HRNR: variants seen among roughly 807,000 people sequenced by gnomAD.
HRNR encodes hornerin, also known as filaggrin family member 3.
A neutral mutation model predicts 4.8 loss-of-function variants in HRNR; 7 were observed. That is an observed-to-expected ratio of 1.47 (90% confidence interval 0.83 to 2.75). The LOEUF is 2.75. Among genes scored for constraint, HRNR ranks in the 30% most tolerant of loss-of-function variants. The pLI is 0.00. For missense variants in HRNR, 2,879 were observed against 3,010.4 expected, an observed-to-expected ratio of 0.96 and a Z score of 1.02; for synonymous variants, 1,023 against 1,242.7, an observed-to-expected ratio of 0.82 and a Z score of 3.72.
rs1648802073 is a variant in HRNR, at chr1:152,219,024, G to T, written c.2605C>A (p.Gln869Lys). The T allele has an allele frequency of 1.2e-6, 2 of 1,614,066 alleles. No individual in the cohort carries two copies. Among genetic ancestry groups the T allele is most frequent in the Admixed American group, 1.7e-5 (1 of 60,014 alleles). ...GCGTGATGGGAGGCAGACTCATGCT[G>T]ACCATAGCTGGAAGATTGACCTGAG... ...SSSGQSSSYG[Q>K]HESASHHASG... is the part of the protein sequence containing the mutation. The change falls in exon 3 of 3, where the codon CAG becomes AAG. Residue 869 changes from glutamine (Q) to lysine (K), a missense_variant. Physicochemically the swap from Gln to Lys is moderately conservative, Grantham distance 53 (BLOSUM62 1). Transcript: ENST00000368801.
In HRNR at chr1:152,212,736, C is replaced by A; in HGVS notation, c.*340G>T. ...AGAAATGTAAGGTTAGCTTTGGCAC[C>A]ATCTATAAATGAATGATGAGCTCTC... On this transcript the variant is annotated 3_prime_UTR_variant, in exon 3 of 3. Transcript: ENST00000368801. 6.4e-6 allele frequency: 2 copies of A among 311,384 alleles called. No individual in the cohort carries two copies. Among genetic ancestry groups the A allele is most frequent in the Non-Finnish European group, 1.2e-5 (2 of 171,466 alleles). The allele number at this position is 311,384 out of a possible 1,614,324, so 19.3% of individuals were successfully genotyped here.
In HRNR at chr1:152,218,505, A is replaced by T. The variant is rs541500647; in HGVS notation, c.3124T>A (p.Ser1042Thr). Residue 1042 changes from serine (S) to threonine (T), a missense_variant, in exon 3 of 3, where the codon TCT becomes ACT. Physicochemically the swap from Ser to Thr is moderately conservative, Grantham distance 58. Around this residue, in one of 8 missense-constraint regions of HRNR, gnomAD observed 2,646 missense variants for 1,377.7 expected, o/e 1.92. Coordinates refer to ENST00000368801, the MANE Select transcript of HRNR (RefSeq NM_001009931.3). ...GWSSSRGPYE[S>T]GSGHSSGLGH... ...AAGCCAGAAGAGTGACCGGAGCCAG[A>T]CTCATATGGGCCACGGCTTGAAGAC... The T allele has an allele frequency of 7.9e-5, 127 of 1,613,308 alleles. 1 individual carries two copies. The South Asian group carries it at 1.1e-3, about 14-fold the overall frequency.
At chr1:152,223,407 A>G in intron 1 of HRNR, 129 bp from the exon 2 acceptor site, 1 of 626,114 alleles carries the variant, frequency 1.6e-6, no homozygotes, top group Non-Finnish European at 2.6e-6. Context: ...TTCTGTTGTA[A>G]TCAAGAACCA....
chr1:152,213,130 A>G lies in HRNR; in HGVS notation c.8499T>C (p.Ser2833=). 2 of 1,614,018 alleles carry G rather than the reference A, an allele frequency of 1.2e-6. No homozygotes were observed. The highest frequency in any genetic ancestry group is 1.7e-6 in the Non-Finnish European group (2 of 1,180,030). Residue 2833 remains serine (S), a synonymous_variant, in exon 3 of 3, where the codon AGT becomes AGC. Transcript: ENST00000368801. ...SSGSYFLSFP[S]STSPYEYVQE... ...GGACATATTCATAGGGTGAAGTGCT[A>G]CTAGGAAAACTGAGAAAATATGAGC...
At position 152,219,627 on chromosome 1, in the gene HRNR, C is replaced by T. The variant is rs765957331; in HGVS notation, c.2002G>A (p.Asp668Asn). The change falls in exon 3 of 3, where the codon GAT (aspartate) becomes AAT (asparagine). Residue 668 changes from aspartate (D) to asparagine (N), a missense_variant. Asp to Asn is a conservative substitution (Grantham distance 23). Coordinates refer to ENST00000368801, the MANE Select transcript of HRNR (RefSeq NM_001009931.3). ...CCGTAGCTGGAAGAGTGCCCAAAAT[C>T]GGACCCATGTCGGCCGCGACTAGGA... is the stretch of plus-strand genomic sequence containing the variant. Reference protein sequence around the residue: ...QSPSRGRHGSDFGHSSSYGQH... With the variant: ...QSPSRGRHGSNFGHSSSYGQH... 4.1e-5 allele frequency: 65 copies of T among 1,575,762 alleles called. No individual in the cohort carries two copies. The highest frequency in any genetic ancestry group is 3.3e-4 in the Middle Eastern group (2 of 5,986).
Position 152,223,279 on chromosome 1 carries a change from C to G in HRNR, c.-25-1G>C. The G allele has an allele frequency of 6.3e-7, 1 of 1,594,280 alleles. No homozygotes were observed. Among genetic ancestry groups the G allele is most frequent in the South Asian group, 1.1e-5 (1 of 87,520 alleles). ...TTTTTTTTTTGCAAGTTTGAGTAACCTAAAGGGAGGAAAAAGAGAGACCAA... is the reference window on the plus strand; with the variant it reads ...TTTTTTTTTTGCAAGTTTGAGTAACGTAAAGGGAGGAAAAAGAGAGACCAA... On this transcript the variant is annotated splice_acceptor_variant, in intron 1 of 2. Coordinates refer to ENST00000368801, the MANE Select transcript of HRNR (RefSeq NM_001009931.3). LOFTEE classifies it low-confidence loss of function (5UTR_SPLICE).
intron 2 of HRNR, 106 bp from the exon 3 acceptor site, chr1:152,221,596 A>G: frequency 1.2e-6 from 1 of 837,934 alleles, no homozygotes; most frequent in African/African-American, 1.7e-5. Flanking sequence ...GGTTATTTAT[A>G]TGGAACTCAT....
rs766562633 is a variant in HRNR, at chr1:152,218,530, C to T, written c.3099G>A (p.Trp1033Ter). The change falls in exon 3 of 3, where the codon TGG becomes TGA. Residue 1033 changes from tryptophan to a stop codon, truncating the protein, a stop_gained. Transcript: ENST00000368801. LOFTEE classifies it low-confidence loss of function (END_TRUNC). Reference protein sequence around the residue: ...SYGPYRSGSGWSSSRGPYESG... With the variant: ...SYGPYRSGSG ...ACTCATATGGGCCACGGCTTGAAGA[C>T]CACCCTGAGCCAGACCTATATGGGC... is the stretch of plus-strand genomic sequence containing the variant. The T allele has an allele frequency of 1.1e-4, 182 of 1,613,790 alleles. 5 individuals carry two copies. In the South Asian group the frequency reaches 1.9e-3, roughly 17 times the overall value.
chr1:152,221,990 T>C (rs1351150653), intron 2 of HRNR, among the ~76,000 whole-genome samples: 1 of 152,142 alleles, frequency 6.6e-6, no homozygotes, highest in Non-Finnish European at 1.5e-5. Flanking sequence ...ATATACAAAC[T>C]TAAAATTATA....
chr1:152,221,365 G>T lies in HRNR; in HGVS notation c.264C>A (p.Ile88=), dbSNP rs759674001. 6.2e-7 allele frequency: 1 copy of T among 1,614,000 alleles called. No homozygotes were observed. Among genetic ancestry groups the T allele is most frequent in the Non-Finnish European group, 8.5e-7 (1 of 1,180,022 alleles). ...AAACTTGGCAGTAATCTTTGCCAAT[G>T]ATTTTATTACGAGCCTGAACCAGCT... ...IFKLVQARNK[I]IGKDYCQVSG... Residue 88 remains isoleucine, a synonymous_variant, in exon 3 of 3, where the codon ATC becomes ATA. Coordinates refer to ENST00000368801, the MANE Select transcript of HRNR (RefSeq NM_001009931.3).
chr1:152,220,581 G>C lies in HRNR; in HGVS notation c.1048C>G (p.Gln350Glu), dbSNP rs372607550. The change falls in exon 3 of 3, where the codon CAA becomes GAA. Residue 350 changes from glutamine (Q) to glutamate (E), a missense_variant. Physicochemically the swap from Gln to Glu is conservative, Grantham distance 29 (BLOSUM62 2). Coordinates refer to ENST00000368801, the MANE Select transcript of HRNR (RefSeq NM_001009931.3). ...SGSGQTSGFG[Q>E]HESGSGQSSG... ...GACTGTCCTGAGCCAGACTCATGTT[G>C]CCCAAAGCCAGAAGTCTGGCCTGAG... 6 of 1,608,176 alleles carry C rather than the reference G, an allele frequency of 3.7e-6. No individual in the cohort carries two copies. The highest frequency in any genetic ancestry group is 5.1e-6 in the Non-Finnish European group (6 of 1,175,736).
At position 152,218,528 on chromosome 1, in the gene HRNR, G is replaced by A. The variant is rs532805553; in HGVS notation, c.3101C>T (p.Ser1034Phe). 1.2e-6 allele frequency: 2 copies of A among 1,613,856 alleles called. No individual in the cohort carries two copies. The highest frequency in any genetic ancestry group is 2.2e-5 in the East Asian group (1 of 44,812). Residue 1034 changes from serine to phenylalanine, a missense_variant, in exon 3 of 3, where the codon TCT becomes TTT. Physicochemically the swap from Ser to Phe is radical, Grantham distance 155. Around this residue, in one of 8 missense-constraint regions of HRNR, gnomAD observed 2,646 missense variants for 1,377.7 expected, o/e 1.92. Coordinates refer to ENST00000368801, the MANE Select transcript of HRNR (RefSeq NM_001009931.3). Reference protein sequence around the residue: ...YGPYRSGSGWSSSRGPYESGS... With the variant: ...YGPYRSGSGWFSSRGPYESGS... ...AGACTCATATGGGCCACGGCTTGAA[G>A]ACCACCCTGAGCCAGACCTATATGG...
Position 152,212,912 on chromosome 1 carries a change from A to T in HRNR, c.*164T>A. The T allele has an allele frequency of 3.2e-6, 3 of 938,676 alleles. No homozygotes were observed. Among genetic ancestry groups the T allele is most frequent in the Non-Finnish European group, 4.7e-6 (3 of 643,528 alleles). The allele number at this position is 938,676 out of a possible 1,614,324, so 58.1% of individuals were successfully genotyped here. Reference sequence around the variant, plus strand: ...AGTCTTTGGAAGGAACCCCATAACAAGATATATGCTACAGTTTTAGGCTCT... The same window carrying T: ...AGTCTTTGGAAGGAACCCCATAACATGATATATGCTACAGTTTTAGGCTCT... On this transcript the variant is annotated 3_prime_UTR_variant, in exon 3 of 3. Transcript: ENST00000368801.
rs1490767246 is a variant in HRNR at position 152,220,650 on chromosome 1, A to G, written c.979T>C (p.Ser327Pro). The G allele has an allele frequency of 6.2e-7, 1 of 1,611,522 alleles. No homozygotes were observed. The highest frequency in any genetic ancestry group is 8.5e-7 in the Non-Finnish European group (1 of 1,178,544). The change falls in exon 3 of 3, where the codon TCT becomes CCT. Residue 327 changes from serine (S) to proline (P), a missense_variant. Coordinates refer to ENST00000368801, the MANE Select transcript of HRNR (RefSeq NM_001009931.3). ...GHSSSHGQHG[S>P]GSSYSYSRGH... ...CGGCTGTAAGAGTAACTTGAGCCAG[A>G]CCCGTGTTGGCCGTGGCTGGAGGAG...
At chr1:152,223,074 AG>A in intron 2 of HRNR, 41 bp downstream of exon 2, 1 of 1,601,080 alleles carries the variant, frequency 6.2e-7, no homozygotes, top group Non-Finnish European at 8.5e-7. Flanking sequence ...GGGATAAAGA[AG>A]AAAATTCCTG....
rs146693658 is a variant in HRNR, at chr1:152,218,692, C to A, written c.2937G>T (p.Ser979=). 1.9e-6 allele frequency: 3 copies of A among 1,612,742 alleles called. No individual in the cohort carries two copies. The highest frequency in any genetic ancestry group is 1.1e-5 in the South Asian group (1 of 90,972). Residue 979 remains serine (S), a synonymous_variant, in exon 3 of 3, where the codon TCG becomes TCT. Transcript: ENST00000368801. Reference sequence around the variant, plus strand: ...ACCCATGCTGACCATAGCTGGAAGACGAACCTGAGCTAGATCCATGTTGTT... The same window carrying A: ...ACCCATGCTGACCATAGCTGGAAGAAGAACCTGAGCTAGATCCATGTTGTT... ...RSEQHGSSSG[S]SSSYGQHGSG...
chr1:152,218,835 A>C lies in HRNR; in HGVS notation c.2794T>G (p.Phe932Val). The C allele has an allele frequency of 1.9e-6, 3 of 1,612,848 alleles. No homozygotes were observed. The highest frequency in any genetic ancestry group is 2.5e-6 in the Non-Finnish European group (3 of 1,179,788). Residue 932 changes from phenylalanine (F) to valine (V), a missense_variant, in exon 3 of 3, where the codon TTT becomes GTT. Physicochemically the swap from Phe to Val is conservative, Grantham distance 50 (BLOSUM62 -1). This residue lies in a region of HRNR where 2,646 missense variants were observed against 1,377.7 expected (regional missense o/e 1.92). Coordinates refer to ENST00000368801, the MANE Select transcript of HRNR (RefSeq NM_001009931.3). Reference protein sequence around the residue: ...HGSGSGQSSGFGHKSSSGQSS... With the variant: ...HGSGSGQSSGVGHKSSSGQSS... Reference sequence around the variant, plus strand: ...TGCCCTGAGCTAGACTTGTGACCAAAGCCAGAAGACTGGCCTGAGCCAGAC... The same window carrying C: ...TGCCCTGAGCTAGACTTGTGACCAACGCCAGAAGACTGGCCTGAGCCAGAC...
At position 152,220,311 on chromosome 1, in the gene HRNR, C is replaced by T. The variant is rs370983663; in HGVS notation, c.1318G>A (p.Gly440Ser). 79 of 1,613,894 alleles carry T rather than the reference C, an allele frequency of 4.9e-5. No homozygotes were observed. The highest frequency in any genetic ancestry group is 3.3e-4 in the Middle Eastern group (2 of 6,062). Residue 440 changes from glycine (G) to serine (S), a missense_variant, in exon 3 of 3, where the codon GGC (glycine) becomes AGC (serine). Around this residue, in one of 8 missense-constraint regions of HRNR, gnomAD observed 2,646 missense variants for 1,377.7 expected, o/e 1.92. Coordinates refer to ENST00000368801, the MANE Select transcript of HRNR (RefSeq NM_001009931.3). Reference protein sequence around the residue: ...GSGSGQSPSSGQHGTGFGRSS... With the variant: ...GSGSGQSPSSSQHGTGFGRSS... ...CGACCAAAGCCAGTCCCATGTTGGC[C>T]GGAGCTGGGAGACTGCCCTGACCCA...
rs773455208 is a variant in HRNR, at chr1:152,221,326, C to T, written c.303G>A (p.Leu101=). The change falls in exon 3 of 3, where the codon CTG becomes CTA. Residue 101 remains leucine (L), a synonymous_variant. Transcript: ENST00000368801. ...KDYCQVSGSK[L]RDDTHQHQEE... ...CTTGGTGCTGGTGAGTGTCATCTCTCAGCTTTGACCCTGAAACTTGGCAGT... is the reference window on the plus strand; with the variant it reads ...CTTGGTGCTGGTGAGTGTCATCTCTTAGCTTTGACCCTGAAACTTGGCAGT... The T allele has an allele frequency of 3.1e-6, 5 of 1,613,976 alleles. No individual in the cohort carries two copies. Among genetic ancestry groups the T allele is most frequent in the Non-Finnish European group, 4.2e-6 (5 of 1,180,028 alleles).
Sources: gnomAD v4.1 joint callset for allele counts (sites outside exome capture counted in the v4.1 genomes callset) on GRCh38, gnomAD v4.1.1 for gene constraint, gnomAD v4.1.1 regional missense constraint, MANE v1.5 for transcripts, NCBI Gene and HGNC (gene_info 2026-07-23, HGNC 2026-07-21) for gene names.